Variants in PTPRO observed in about 807,000 individuals in gnomAD.
PTPRO encodes the protein receptor-type tyrosine-protein phosphatase O.
PTPRO carries 62 observed loss-of-function variants against 145.2 expected under a neutral mutation model. The ratio of observed to expected loss-of-function variants is 0.43; its 90% CI spans 0.35 to 0.53. The LOEUF is 0.53. Ranked by LOEUF, PTPRO falls within the 20% of genes least tolerant of loss-of-function variation. The probability of loss-of-function intolerance (pLI) is 0.01; values close to 1 mark genes in which losing one functional copy is unlikely to be tolerated. For missense variants in PTPRO, 1,345 were observed against 1,482.7 expected (o/e 0.91, Z 1.53); for synonymous variants, 565 against 514.7 (o/e 1.10, Z -1.32).
chr12:15,352,054 C>T (rs1937820166), intron 1 of PTPRO, among the ~76,000 whole-genome samples: 1 of 152,240 alleles, frequency 6.6e-6, no homozygotes, highest in South Asian at 2.1e-4. Context: ...GTGGAGGACC[C>T]TCTTTGTGGA....
intron 1 of PTPRO, among the ~76,000 whole-genome samples, chr12:15,367,207 A>T (rs924780213): frequency 6.6e-6 from 1 of 152,226 alleles, no homozygotes. Context: ...GAAAATTTAT[A>T]GGCAAACGTT....
At chr12:15,462,388 A>G (rs1941325158) in intron 1 of PTPRO, among the ~76,000 whole-genome samples, 1 of 152,158 alleles carries the variant, frequency 6.6e-6, no homozygotes, top group Non-Finnish European at 1.5e-5. Flanking sequence ...GGCCTCCCAA[A>G]GTGCTGGGAT....
At chr12:15,531,679 C>T (rs537810770) in intron 12 of PTPRO, among the ~76,000 whole-genome samples, 37 of 152,106 alleles carry the variant, frequency 2.4e-4, no homozygotes, top group Non-Finnish European at 4.6e-4. Context: ...TGTGATAGAC[C>T]TTTAGAGACA....
At chr12:15,333,492 G>C (rs1465999387) in intron 1 of PTPRO, among the ~76,000 whole-genome samples, 2 of 152,214 alleles carry the variant, frequency 1.3e-5, no homozygotes, top group African/African-American at 2.4e-5. Context: ...TGTTGAACGA[G>C]TGAATGAATG....
intron 1 of PTPRO, among the ~76,000 whole-genome samples, chr12:15,431,157 G>A (rs1940425663): frequency 6.6e-6 from 1 of 152,154 alleles, no homozygotes; most frequent in Admixed American, 6.5e-5. Context: ...CCAAAAAAGT[G>A]GATATTTCCA....
intron 1 of PTPRO, among the ~76,000 whole-genome samples, chr12:15,409,436 C>T (rs75818725): frequency 0.027 from 4,167 of 152,228 alleles, 95 homozygotes; most frequent in East Asian, 0.13. Flanking sequence ...CTTCTACAAG[C>T]AGTAGACTGG....
chr12:15,467,921 C>G (rs934301193), intron 1 of PTPRO, among the ~76,000 whole-genome samples: 76 of 152,262 alleles, frequency 5.0e-4, no homozygotes, highest in African/African-American at 1.8e-3. Context: ...GTGAACTCCC[C>G]AATGGTGCAT....
intron 16 of PTPRO, among the ~76,000 whole-genome samples, chr12:15,558,618 G>A (rs1433885775): frequency 6.6e-6 from 1 of 152,146 alleles, no homozygotes; most frequent in East Asian, 1.9e-4. Flanking sequence ...AAGAAACTAT[G>A]CAAAGTATAT....
At chr12:15,586,116 T>C (rs1457149782) in intron 23 of PTPRO, among the ~76,000 whole-genome samples, 1 of 152,168 alleles carries the variant, frequency 6.6e-6, no homozygotes, top group Non-Finnish European at 1.5e-5. Context: ...CATTAGGCCA[T>C]TTTTAGATAT....
chr12:15,574,999 A>G (rs1406645363), intron 19 of PTPRO, among the ~76,000 whole-genome samples: 1 of 152,130 alleles, frequency 6.6e-6, no homozygotes, highest in South Asian at 2.1e-4. Context: ...CTAACCCCCA[A>G]TGCAATGGTA....
At chr12:15,408,837 A>C (rs1939717164) in intron 1 of PTPRO, among the ~76,000 whole-genome samples, 1 of 152,194 alleles carries the variant, frequency 6.6e-6, no homozygotes, top group Non-Finnish European at 1.5e-5. Context: ...AGCTTCTCTT[A>C]GCCTCGGTAT....
At chr12:15,368,507 G>A (rs1221707903) in intron 1 of PTPRO, among the ~76,000 whole-genome samples, 1 of 152,078 alleles carries the variant, frequency 6.6e-6, no homozygotes, top group Non-Finnish European at 1.5e-5. Context: ...TGTAGGCAAG[G>A]GTTTTTTCCT....
chr12:15,564,474 G>T (rs111699073), intron 17 of PTPRO, among the ~76,000 whole-genome samples: 1 of 152,144 alleles, frequency 6.6e-6, no homozygotes, highest in African/African-American at 2.4e-5. Flanking sequence ...GCTCAGCCCT[G>T]GGGGGAAGCT....
At chr12:15,347,171 T>C (rs11056437) in intron 1 of PTPRO, among the ~76,000 whole-genome samples, 35,554 of 151,986 alleles carry the variant, frequency 0.23, 4,498 homozygotes, top group Non-Finnish European at 0.3. Flanking sequence ...TTCCTCCTCC[T>C]CAGAAACCTT....
At chr12:15,489,118 C>T (rs1941949115) in intron 2 of PTPRO, among the ~76,000 whole-genome samples, 1 of 151,686 alleles carries the variant, frequency 6.6e-6, no homozygotes, top group Non-Finnish European at 1.5e-5. Context: ...TCCTAGGTAC[C>T]AAAGAAATAA....
At chr12:15,347,571 A>G (rs1565577373) in intron 1 of PTPRO, among the ~76,000 whole-genome samples, 2 of 152,078 alleles carry the variant, frequency 1.3e-5, no homozygotes, top group Non-Finnish European at 2.9e-5. Context: ...TTAATTCACC[A>G]CTCTTTACCT....
chr12:15,514,883 C>G (rs1306085168), intron 7 of PTPRO, among the ~76,000 whole-genome samples: 1 of 152,088 alleles, frequency 6.6e-6, no homozygotes, highest in East Asian at 1.9e-4. Context: ...CTACCTCAGC[C>G]TCCTGAGTAG....
At chr12:15,382,882 T>C (rs542200291) in intron 1 of PTPRO, among the ~76,000 whole-genome samples, 236 of 152,368 alleles carry the variant, frequency 1.5e-3, no homozygotes, top group Non-Finnish European at 2.6e-3. Flanking sequence ...GCGTTATGGT[T>C]TGATACACAT....
chr12:15,557,565 T>TGTAGAA, intron 16 of PTPRO, 42 bp downstream of exon 16: 1 of 1,562,916 alleles, frequency 6.4e-7, no homozygotes, highest in Non-Finnish European at 8.8e-7. Flanking sequence ...AGTTTAACTA[T>TGTAGAA]GCTGTGTGTG....
Sources: allele counts gnomAD v4.1 joint callset (sites outside exome capture counted in the v4.1 genomes callset), GRCh38; gene constraint gnomAD v4.1.1; transcripts MANE v1.5; gene names NCBI Gene and HGNC (gene_info 2026-07-23, HGNC 2026-07-21).